The following RAPGEF5 variants were observed in gnomAD, a reference collection of about 807,000 sequenced individuals.
RAPGEF5 encodes M-Ras-regulated GEF.
Under a neutral mutation model 125.2 loss-of-function variants are expected in RAPGEF5, and 65 were observed. The ratio of observed to expected loss-of-function variants is 0.52; its 90% CI spans 0.43 to 0.64. The LOEUF is 0.64. Among genes scored for constraint, RAPGEF5 ranks in the 30% least tolerant of loss-of-function variants. The pLI is 0.00. For synonymous variants in RAPGEF5, 391 were observed against 385.9 expected (o/e 1.01, Z -0.16); for missense variants, 958 against 1,048.1 (o/e 0.91, Z 1.19).
intron 7 of RAPGEF5, among the ~76,000 whole-genome samples, chr7:22,231,505 GC>G (rs1252263682): frequency 6.6e-6 from 1 of 152,012 alleles, no homozygotes; most frequent in East Asian, 1.9e-4. Flanking sequence ...ATCCAATCCA[GC>G]TTGGGAACAA....
At chr7:22,228,707 G>A (rs1318060859) in intron 8 of RAPGEF5, among the ~76,000 whole-genome samples, 3 of 147,938 alleles carry the variant, frequency 2.0e-5, no homozygotes, top group Non-Finnish European at 4.5e-5. Flanking sequence ...TAGAGACAGG[G>A]TTTCACCATG....
intron 5 of RAPGEF5, among the ~76,000 whole-genome samples, chr7:22,294,111 C>A (rs1782996654): frequency 1.3e-5 from 2 of 150,406 alleles, no homozygotes; most frequent in African/African-American, 4.9e-5. Flanking sequence ...CTGTGCTGCT[C>A]GTGAATGAGA....
chr7:22,263,789 C>G (rs1445761928), intron 7 of RAPGEF5, among the ~76,000 whole-genome samples: 3 of 150,212 alleles, frequency 2.0e-5, no homozygotes, highest in Non-Finnish European at 4.4e-5. Flanking sequence ...TGGAAATAGC[C>G]AAAATACAAA....
rs934727556 is a variant in RAPGEF5, at chr7:22,120,712, T to C, written c.*1694A>G. Reference sequence around the variant, plus strand: ...GGACCAGCCCTGGAGGATGCCCTTCTATAAAACCCTATAAATGTTCAGGAC... The same window carrying C: ...GGACCAGCCCTGGAGGATGCCCTTCCATAAAACCCTATAAATGTTCAGGAC... On this transcript the variant is annotated 3_prime_UTR_variant, in exon 26 of 26. Coordinates refer to ENST00000665637, the MANE Select transcript of RAPGEF5 (RefSeq NM_012294.5). This position sits in a 1 kb window ranked among gnomAD's most constrained non-coding sequence, Gnocchi z 4.0. 6.6e-6 allele frequency: 1 copy of C among 152,294 alleles called. No individual in the cohort carries two copies. The highest frequency in any genetic ancestry group is 2.4e-5 in the African/African-American group (1 of 41,416). The allele number at this position is 152,294 out of a possible 1,614,324, so 9.4% of individuals were successfully genotyped here. A position where few individuals can be genotyped will look rare whatever the true frequency, so the allele number is the denominator to read the frequency against.
At chr7:22,182,887 G>A (rs931077512) in intron 11 of RAPGEF5, among the ~76,000 whole-genome samples, 2 of 152,084 alleles carry the variant, frequency 1.3e-5, no homozygotes, top group East Asian at 1.9e-4. Flanking sequence ...TTCATCCTAC[G>A]TCAAAGAGAT....
chr7:22,127,283 C>A (rs1387667508), intron 24 of RAPGEF5, among the ~76,000 whole-genome samples: 1 of 152,132 alleles, frequency 6.6e-6, no homozygotes, highest in Non-Finnish European at 1.5e-5. Context: ...TCAGGATCCA[C>A]CCACCTTGGC....
chr7:22,276,063 T>C (rs1368926868), intron 6 of RAPGEF5, among the ~76,000 whole-genome samples: 1 of 152,224 alleles, frequency 6.6e-6, no homozygotes, highest in African/African-American at 2.4e-5. Flanking sequence ...CTGATCTACC[T>C]GAATTTCCTG....
At chr7:22,230,794 C>A in intron 8 of RAPGEF5, 52 bp downstream of exon 8, 1 of 1,469,358 alleles carries the variant, frequency 6.8e-7, no homozygotes, top group Admixed American at 2.0e-5. Flanking sequence ...ACTGTCTCAC[C>A]ACCCTCAACA....
intron 7 of RAPGEF5, among the ~76,000 whole-genome samples, chr7:22,248,893 G>A (rs2128137794): frequency 6.6e-6 from 1 of 152,318 alleles, no homozygotes. Context: ...CAGGGTGGAA[G>A]AAAATCGGCA....
intron 7 of RAPGEF5, among the ~76,000 whole-genome samples, chr7:22,246,663 T>G (rs1786485005): frequency 6.6e-6 from 1 of 151,688 alleles, no homozygotes. Context: ...GACATTAGCC[T>G]TGGCAAAAAA....
At chr7:22,229,029 G>A (rs1327344782) in intron 8 of RAPGEF5, among the ~76,000 whole-genome samples, 2 of 152,082 alleles carry the variant, frequency 1.3e-5, no homozygotes, top group Non-Finnish European at 2.9e-5. Flanking sequence ...GCTAGGTACT[G>A]TCTAGCATAG....
At chr7:22,344,124 G>A (rs1784180116) in intron 1 of RAPGEF5, among the ~76,000 whole-genome samples, 2 of 152,220 alleles carry the variant, frequency 1.3e-5, no homozygotes, top group Admixed American at 6.5e-5. Context: ...TCAAGGCCAG[G>A]CCTTCCCTTG....
chr7:22,357,149 G>A lies in RAPGEF5; in HGVS notation c.-89C>T. 1.5e-6 allele frequency: 1 copy of A among 677,990 alleles called. No individual in the cohort carries two copies. The highest frequency in any genetic ancestry group is 1.8e-6 in the Non-Finnish European group (1 of 545,912). 42.0% of individuals were successfully genotyped at this position (677,990 alleles called of 1,614,324 possible). On this transcript the variant is annotated 5_prime_UTR_variant, in exon 1 of 26. Coordinates refer to ENST00000665637, the MANE Select transcript of RAPGEF5 (RefSeq NM_012294.5). ...CGCCTTCGCCAGGAAGCGAGAGGGC[G>A]CGACTGCGGCTCGGGCGCGGGGCGC...
chr7:22,173,879 A>G (rs1218340128), intron 11 of RAPGEF5, among the ~76,000 whole-genome samples: 2 of 152,118 alleles, frequency 1.3e-5, no homozygotes, highest in African/African-American at 4.8e-5. Flanking sequence ...GTGTCTAGGT[A>G]CAATTGCAGC....
chr7:22,156,943 A>G, intron 15 of RAPGEF5, 55 bp from the exon 16 acceptor site: 1 of 1,604,474 alleles, frequency 6.2e-7, no homozygotes, highest in Non-Finnish European at 8.5e-7. Context: ...CCTTTGGAAA[A>G]CCATAGCTGT....
intron 7 of RAPGEF5, among the ~76,000 whole-genome samples, chr7:22,234,153 C>A (rs1053204171): frequency 2.8e-4 from 42 of 152,206 alleles, no homozygotes; most frequent in Admixed American, 2.7e-3. Context: ...AAGTTGCATG[C>A]ATAAAATATA....
intron 16 of RAPGEF5, among the ~76,000 whole-genome samples, chr7:22,155,891 C>G (rs553266944): frequency 7.2e-5 from 11 of 152,300 alleles, no homozygotes; most frequent in African/African-American, 2.4e-4. Context: ...CTCTTTGCAG[C>G]TCAGCTTGGA....
chr7:22,162,260 A>C, intron 13 of RAPGEF5, 137 bp downstream of exon 13: 1 of 935,448 alleles, frequency 1.1e-6, no homozygotes, highest in Non-Finnish European at 1.6e-6. Context: ...AAATAAACTT[A>C]AATATTCTCT....
At chr7:22,220,041 G>A in intron 8 of RAPGEF5, 50 bp from the exon 9 acceptor site, 3 of 1,599,252 alleles carry the variant, frequency 1.9e-6, no homozygotes, top group Non-Finnish European at 2.6e-6. Flanking sequence ...ACAGTCCCAG[G>A]ACATGACACC....
Sources: gnomAD v4.1 joint callset for allele counts (sites outside exome capture counted in the v4.1 genomes callset) on GRCh38, gnomAD v4.1.1 for gene constraint, Gnocchi (gnomAD v3.1) non-coding constraint, MANE v1.5 for transcripts, NCBI Gene and HGNC (gene_info 2026-07-23, HGNC 2026-07-21) for gene names.